KCNQ3: variants seen among roughly 807,000 people sequenced by gnomAD.
The protein encoded by KCNQ3 is potassium voltage-gated channel subfamily KQT member 3.
A neutral mutation model predicts 92.5 loss-of-function variants in KCNQ3; 30 were observed. The ratio of observed to expected loss-of-function variants is 0.32; its 90% CI spans 0.24 to 0.44. The LOEUF (loss-of-function observed/expected upper bound fraction) is 0.44. Ranked by LOEUF, KCNQ3 falls within the 20% of genes least tolerant of loss-of-function variation. The pLI, the probability that KCNQ3 is intolerant of heterozygous loss-of-function variation, is 1.00. For synonymous variants in KCNQ3, 450 were observed against 468.8 expected (o/e 0.96, Z 0.52); for missense variants, 913 against 1,140.3 (o/e 0.80, Z 2.87).
chr8:132,184,399 T>G (rs368622717), intron 2 of KCNQ3, 32 bp from the exon 3 acceptor site: 8 of 1,612,890 alleles, frequency 5.0e-6, no homozygotes, highest in Non-Finnish European at 6.8e-6. Flanking sequence ...GAGGCACTGA[T>G]TAACCGAGAT....
rs1825289232 is a variant in KCNQ3 at position 132,141,309 on chromosome 8, G to T, written c.1285C>A (p.Arg429=). 6.2e-7 allele frequency: 1 copy of T among 1,614,136 alleles called. No individual in the cohort carries two copies. Among genetic ancestry groups the T allele is most frequent in the South Asian group, 1.1e-5 (1 of 91,080 alleles). Residue 429 remains arginine (R), a synonymous_variant, in exon 10 of 15, where the codon CGG becomes AGG. Transcript: ENST00000388996. ...CCACGAGGATTAGAAAGGCGAACCCGATCCAAGAGACCCAGCTTTTGGCTA... is the reference window on the plus strand; with the variant it reads ...CCACGAGGATTAGAAAGGCGAACCCTATCCAAGAGACCCAGCTTTTGGCTA... ...ASSQKLGLLD[R]VRLSNPRGSN... is the part of the protein sequence containing the mutation.
intron 1 of KCNQ3, among the ~76,000 whole-genome samples, chr8:132,191,189 C>T (rs182772715): frequency 9.2e-5 from 14 of 152,208 alleles, no homozygotes; most frequent in Non-Finnish European, 1.6e-4. Flanking sequence ...TTCTGTCACC[C>T]AGGTGGGAAG....
intron 1 of KCNQ3, among the ~76,000 whole-genome samples, chr8:132,387,156 T>G (rs1433989078): frequency 2.6e-5 from 4 of 152,178 alleles, no homozygotes; most frequent in Admixed American, 2.6e-4. Flanking sequence ...GTTTAGAGCA[T>G]ATTAAAAGAA....
chr8:132,180,445 C>T (rs1372532493), intron 3 of KCNQ3, 116 bp from the exon 4 acceptor site: 5 of 1,070,330 alleles, frequency 4.7e-6, no homozygotes, highest in Non-Finnish European at 7.0e-6. Flanking sequence ...AGCAGTGGGA[C>T]AATCTGAGCA....
At position 132,132,042 on chromosome 8, in the gene KCNQ3, C is replaced by A; in HGVS notation, c.1884+138G>T. The A allele has an allele frequency of 6.0e-6, 4 of 664,178 alleles. No individual in the cohort carries two copies. The South Asian group carries it at 6.7e-5, about 11-fold the overall frequency. The allele number at this position is 664,178 out of a possible 1,614,324, so 41.1% of individuals were successfully genotyped here. A position where few individuals can be genotyped will look rare whatever the true frequency, so the allele number is the denominator to read the frequency against. On this transcript the variant is annotated intron_variant, in intron 14 of 14. Transcript: ENST00000388996. Reference sequence around the variant, plus strand: ...GGCAGAGGTTGCAGTGAGTCAAGATCGCGCCATTGCACTCCAGCCTGGGCA... The same window carrying A: ...GGCAGAGGTTGCAGTGAGTCAAGATAGCGCCATTGCACTCCAGCCTGGGCA...
chr8:132,293,844 T>C (rs1182669765), intron 1 of KCNQ3, among the ~76,000 whole-genome samples: 1 of 152,184 alleles, frequency 6.6e-6, no homozygotes, highest in Non-Finnish European at 1.5e-5. Context: ...GCAAGGGTCT[T>C]GCTCATGTAT....
chr8:132,195,874 T>A lies in KCNQ3; in HGVS notation c.387-9693A>T, dbSNP rs917619320. On this transcript the variant is annotated intron_variant, in intron 1 of 14. Transcript: ENST00000388996. Reference sequence around the variant, plus strand: ...TAGAGCTAGGGTGGCTATAGTAATATTAGACTTTAAAATGGACTTCAAGAC... The same window carrying A: ...TAGAGCTAGGGTGGCTATAGTAATAATAGACTTTAAAATGGACTTCAAGAC... Among the ~76,000 whole-genome samples the A allele has an allele frequency of 8.5e-5, 13 of 152,130 alleles. No individual in the cohort carries two copies. In the East Asian group the frequency reaches 1.3e-3, roughly 16 times the overall value.
chr8:132,254,310 C>T (rs1270121424), intron 1 of KCNQ3, among the ~76,000 whole-genome samples: 2 of 152,154 alleles, frequency 1.3e-5, no homozygotes, highest in East Asian at 3.9e-4. Context: ...GGTGAGTAAA[C>T]AGTACAGAAA....
intron 1 of KCNQ3, among the ~76,000 whole-genome samples, chr8:132,442,084 G>A (rs1317266642): frequency 1.3e-5 from 2 of 152,156 alleles, no homozygotes; most frequent in African/African-American, 4.8e-5. Flanking sequence ...AGAGGGTGGA[G>A]GTGGGGAGGA....
intron 8 of KCNQ3, among the ~76,000 whole-genome samples, chr8:132,164,776 C>T (rs996206426): frequency 3.3e-5 from 5 of 152,084 alleles, no homozygotes; most frequent in Admixed American, 3.3e-4. Flanking sequence ...AAAGGATTAG[C>T]ACTGTCCATT....
rs1280573283 is a variant in KCNQ3 at position 132,129,035 on chromosome 8, T to C, written c.*227A>G. The stretch of plus-strand genomic sequence containing the variant: ...ATCCTAGAAGAGATTAGCGGAACCA[T>C]TTATATAGTGTAAAGTCATGCAAAC... On this transcript the variant is annotated 3_prime_UTR_variant, in exon 15 of 15. Coordinates refer to ENST00000388996, the MANE Select transcript of KCNQ3 (RefSeq NM_004519.4). This position sits in a 1 kb window ranked among gnomAD's most constrained non-coding sequence, Gnocchi z 5.9. 3.4e-6 allele frequency: 2 copies of C among 581,824 alleles called. No individual in the cohort carries two copies. Among genetic ancestry groups the C allele is most frequent in the Non-Finnish European group, 6.1e-6 (2 of 326,462 alleles). 36.0% of individuals were successfully genotyped at this position (581,824 alleles called of 1,614,324 possible). A position where few individuals can be genotyped will look rare whatever the true frequency, so the allele number is the denominator to read the frequency against.
chr8:132,320,768 G>A (rs1817872651), intron 1 of KCNQ3, among the ~76,000 whole-genome samples: 1 of 152,096 alleles, frequency 6.6e-6, no homozygotes, highest in Admixed American at 6.6e-5. Flanking sequence ...CGAATCCAAG[G>A]CTGCTGTTAT....
intron 9 of KCNQ3, 68 bp from the exon 10 acceptor site, chr8:132,141,399 C>G: frequency 7.5e-7 from 1 of 1,336,004 alleles, no homozygotes; most frequent in Admixed American, 1.7e-5. Context: ...CCCATCCCTC[C>G]ATAAAGACTC....
chr8:132,251,477 T>A (rs1815407024), intron 1 of KCNQ3, among the ~76,000 whole-genome samples: 1 of 152,180 alleles, frequency 6.6e-6, no homozygotes, highest in Non-Finnish European at 1.5e-5. Context: ...TTCTGAATGG[T>A]TACGGTTTTA....
chr8:132,382,770 C>G (rs2608210), intron 1 of KCNQ3, among the ~76,000 whole-genome samples: 73,861 of 151,868 alleles, frequency 0.49, 20,398 homozygotes, highest in African/African-American at 0.76. Flanking sequence ...AAGGGTGTCA[C>G]GGGCATACCA....
intron 6 of KCNQ3, among the ~76,000 whole-genome samples, chr8:132,173,236 AC>A (rs1450793307): frequency 6.6e-5 from 10 of 152,294 alleles, no homozygotes; most frequent in African/African-American, 2.4e-4. Flanking sequence ...AGAAACACAC[AC>A]TTTCCAAGCT....
intron 1 of KCNQ3, among the ~76,000 whole-genome samples, chr8:132,363,729 A>G (rs1394542061): frequency 6.6e-6 from 1 of 151,638 alleles, no homozygotes; most frequent in Non-Finnish European, 1.5e-5. Context: ...TGCTCACGTC[A>G]TTCACTCTTG....
intron 1 of KCNQ3, among the ~76,000 whole-genome samples, chr8:132,210,505 T>C (rs760833668): frequency 1.3e-5 from 2 of 152,206 alleles, no homozygotes; most frequent in Admixed American, 6.5e-5. Context: ...GTGTAACAAA[T>C]TACCCCGAAC....
rs55686249 is a variant in KCNQ3, at chr8:132,252,942, T to A, written c.387-66761A>T. ...TCTGGGTAAAACACTGCCCTCCTTC[T>A]CACTTTTGCCTTCATTCCTAGCTGT... is the stretch of plus-strand genomic sequence containing the variant. On this transcript the variant is annotated intron_variant, in intron 1 of 14. Coordinates refer to ENST00000388996, the MANE Select transcript of KCNQ3 (RefSeq NM_004519.4). Among the ~76,000 whole-genome samples, 615 of 152,302 alleles carry A rather than the reference T, an allele frequency of 4.0e-3. 3 individuals carry two copies. Among genetic ancestry groups the A allele is most frequent in the Non-Finnish European group, 6.9e-3 (469 of 68,034 alleles).
Sources: allele counts gnomAD v4.1 joint callset (sites outside exome capture counted in the v4.1 genomes callset), GRCh38; gene constraint gnomAD v4.1.1; non-coding constraint Gnocchi (gnomAD v3.1); transcripts MANE v1.5; gene names NCBI Gene and HGNC (gene_info 2026-07-23, HGNC 2026-07-21).